MIPEP: variants seen among roughly 807,000 people sequenced by gnomAD.
The protein encoded by MIPEP is mitochondrial intermediate peptidase.
In MIPEP, 79 loss-of-function variants were observed where a neutral mutation model predicts 90.3. The ratio of observed to expected loss-of-function variants is 0.87; its 90% confidence interval spans 0.73 to 1.05. The LOEUF is 1.05. Ranked by LOEUF, MIPEP falls within the 50% of genes least tolerant of loss-of-function variation. MIPEP has a pLI of 0.00. For synonymous variants in MIPEP, 334 were observed against 315.8 expected, an observed-to-expected ratio of 1.06 and a Z score of -0.61; for missense variants, 940 against 905.6, an observed-to-expected ratio of 1.04 and a Z score of -0.49.
At chr13:23,752,921 A>G (rs1952456016) in intron 18 of MIPEP, among the ~76,000 whole-genome samples, 1 of 152,012 alleles carries the variant, frequency 6.6e-6, no homozygotes, top group Non-Finnish European at 1.5e-5. Flanking sequence ...AAAAAAGGAG[A>G]AGCAGATTAA....
chr13:23,767,753 T>C (rs982095344), intron 16 of MIPEP, among the ~76,000 whole-genome samples: 1 of 152,146 alleles, frequency 6.6e-6, no homozygotes, highest in African/African-American at 2.4e-5. Flanking sequence ...CGCCTGGCCC[T>C]TTGTAAATAT....
chr13:23,885,177 G>T, intron 2 of MIPEP, among the ~76,000 whole-genome samples: 1 of 152,210 alleles, frequency 6.6e-6, no homozygotes, highest in Admixed American at 6.5e-5. Context: ...TATGTTTAGT[G>T]AAATAAGTCA....
At chr13:23,810,005 A>G in intron 14 of MIPEP, 81 bp from the exon 15 acceptor site, 1 of 734,936 alleles carries the variant, frequency 1.4e-6, no homozygotes, top group Non-Finnish European at 2.3e-6. Flanking sequence ...AAATTTAAAA[A>G]TAACATCAAA....
intron 16 of MIPEP, among the ~76,000 whole-genome samples, chr13:23,796,179 G>C (rs1234557749): frequency 6.6e-6 from 1 of 152,100 alleles, no homozygotes; most frequent in Non-Finnish European, 1.5e-5. Context: ...AGCACTTTGG[G>C]AGGCCGAGGT....
chr13:23,777,903 CAG>C (rs1406873337), intron 16 of MIPEP, among the ~76,000 whole-genome samples: 1 of 152,082 alleles, frequency 6.6e-6, no homozygotes, highest in African/African-American at 2.4e-5. Context: ...TCAATCAGGA[CAG>C]AGTGTTCAAC....
At chr13:23,867,939 A>G (rs545146885) in intron 7 of MIPEP, among the ~76,000 whole-genome samples, 1 of 147,710 alleles carries the variant, frequency 6.8e-6, no homozygotes, top group Admixed American at 6.7e-5. Flanking sequence ...ATTATTTTAT[A>G]TAAATATAAA....
At position 23,869,174 on chromosome 13, in the gene MIPEP, A is replaced by C. The variant is rs879446471; in HGVS notation, c.943+118T>G. On this transcript the variant is annotated intron_variant, in intron 7 of 18. Coordinates refer to ENST00000382172, the MANE Select transcript of MIPEP (RefSeq NM_005932.4). The stretch of plus-strand genomic sequence containing the variant: ...CCTATAAAAATACATAGAAAATCTC[A>C]ATAAATGGTTCTCTACATGTATTAA... 3.0e-5 allele frequency: 27 copies of C among 891,070 alleles called. No homozygotes were observed. The Admixed American group carries it at 7.7e-4, about 26-fold the overall frequency. 55.2% of individuals were successfully genotyped at this position (891,070 alleles called of 1,614,324 possible). A position where few individuals can be genotyped will look rare whatever the true frequency, so the allele number is the denominator to read the frequency against.
intron 16 of MIPEP, among the ~76,000 whole-genome samples, chr13:23,792,857 C>T (rs1487135029): frequency 3.3e-5 from 5 of 152,138 alleles, no homozygotes; most frequent in African/African-American, 9.7e-5. Flanking sequence ...TGAAGAAGCA[C>T]CCAGTATGAG....
At chr13:23,731,710 T>C (rs1188122205) in intron 18 of MIPEP, among the ~76,000 whole-genome samples, 1 of 151,998 alleles carries the variant, frequency 6.6e-6, no homozygotes, top group Non-Finnish European at 1.5e-5. Context: ...TTGGAAAAAA[T>C]ACTCACAAAA....
chr13:23,770,698 A>C (rs1952640018), intron 16 of MIPEP, among the ~76,000 whole-genome samples: 1 of 152,118 alleles, frequency 6.6e-6, no homozygotes, highest in South Asian at 2.1e-4. Flanking sequence ...AGAGACCGCC[A>C]CTGCCCCCTC....
chr13:23,816,566 C>A (rs1953240545), intron 14 of MIPEP, among the ~76,000 whole-genome samples: 1 of 152,162 alleles, frequency 6.6e-6, no homozygotes, highest in Non-Finnish European at 1.5e-5. Context: ...TCTGTTCATA[C>A]ATGTTATCCA....
At chr13:23,815,591 G>A (rs1218509721) in intron 14 of MIPEP, among the ~76,000 whole-genome samples, 1 of 152,210 alleles carries the variant, frequency 6.6e-6, no homozygotes, top group Non-Finnish European at 1.5e-5. Flanking sequence ...TTACAGGCGT[G>A]AGCCACTGTG....
At chr13:23,801,365 A>T (rs1464215008) in intron 16 of MIPEP, among the ~76,000 whole-genome samples, 1 of 152,162 alleles carries the variant, frequency 6.6e-6, no homozygotes, top group Non-Finnish European at 1.5e-5. Context: ...CCCCACAGTC[A>T]GTGTCCTAGT....
At chr13:23,851,917 A>G (rs1869816942) in intron 10 of MIPEP, among the ~76,000 whole-genome samples, 1 of 152,184 alleles carries the variant, frequency 6.6e-6, no homozygotes, top group South Asian at 2.1e-4. Flanking sequence ...ATGGGTGTCC[A>G]TGCCAAAAAC....
At chr13:23,878,936 C>T (rs1208590979) in intron 4 of MIPEP, among the ~76,000 whole-genome samples, 1 of 152,172 alleles carries the variant, frequency 6.6e-6, no homozygotes, top group African/African-American at 2.4e-5. Flanking sequence ...GAGGATGCAG[C>T]TGGGAACAAA....
chr13:23,770,712 A>G (rs1326348125), intron 16 of MIPEP, among the ~76,000 whole-genome samples: 1 of 152,060 alleles, frequency 6.6e-6, no homozygotes, highest in African/African-American at 2.4e-5. Flanking sequence ...CCCCCTCCCC[A>G]TTAATCTAAT....
At chr13:23,794,467 T>G (rs1478172885) in intron 16 of MIPEP, among the ~76,000 whole-genome samples, 1 of 152,192 alleles carries the variant, frequency 6.6e-6, no homozygotes, top group Non-Finnish European at 1.5e-5. Flanking sequence ...TGTCCGGCTC[T>G]CATTCCTTGT....
At position 23,756,462 on chromosome 13, in the gene MIPEP, C is replaced by A. The variant is rs772022997; in HGVS notation, c.2044+83G>T. 16 of 1,460,036 alleles carry A rather than the reference C, an allele frequency of 1.1e-5. No individual in the cohort carries two copies. The South Asian group carries it at 1.7e-4, about 16-fold the overall frequency. 90.4% of individuals were successfully genotyped at this position (1,460,036 alleles called of 1,614,324 possible). On this transcript the variant is annotated intron_variant, in intron 18 of 18. Coordinates refer to ENST00000382172, the MANE Select transcript of MIPEP (RefSeq NM_005932.4). ...ATGAACCACCACACCTGGCCTAAAA[C>A]ATTTTCTTTAAATGAAAAAAACATA...
intron 16 of MIPEP, among the ~76,000 whole-genome samples, chr13:23,790,511 A>G (rs1952887458): frequency 6.6e-6 from 1 of 152,236 alleles, no homozygotes; most frequent in African/African-American, 2.4e-5. Flanking sequence ...TGAGGTGAGA[A>G]GGTTATCCTG....
Sources: gnomAD v4.1 joint callset for allele counts (sites outside exome capture counted in the v4.1 genomes callset) on GRCh38, gnomAD v4.1.1 for gene constraint, MANE v1.5 for transcripts, NCBI Gene and HGNC (gene_info 2026-07-23, HGNC 2026-07-21) for gene names.